Variants in FBXL20 observed in about 807,000 individuals in gnomAD.
FBXL20 encodes the protein F-box and leucine rich repeat protein 20.
A neutral mutation model predicts 64.0 loss-of-function variants in FBXL20; 11 were observed. That is an observed-to-expected ratio of 0.17 (90% CI 0.11 to 0.28). The LOEUF (loss-of-function observed/expected upper bound fraction) is 0.28, where lower values mean the gene tolerates loss of function less well. FBXL20 is among the 10% of genes least tolerant of loss of function. The pLI is 1.00. For missense variants in FBXL20, 303 were observed against 526.2 expected (o/e 0.58, Z 4.15); for synonymous variants, 184 against 189.0 (o/e 0.97, Z 0.22).
rs188867912 is a variant in FBXL20, at chr17:39,375,995, T to C, written c.42+25366A>G. ...TTAGCTGGGCATGGTGGCGGGCACC[T>C]GTAATCCTGGCTACTTGGGAGGCTG... is the stretch of plus-strand genomic sequence containing the variant. On this transcript the variant is annotated intron_variant, in intron 1 of 14. Transcript: ENST00000264658. Among the ~76,000 whole-genome samples, 499 of 152,248 alleles carry C rather than the reference T, an allele frequency of 3.3e-3. 3 individuals are homozygous for C. The highest frequency in any genetic ancestry group is 0.012 in the African/African-American group (479 of 41,550).
At chr17:39,339,100 G>A (rs938191815) in intron 2 of FBXL20, among the ~76,000 whole-genome samples, 15 of 147,116 alleles carry the variant, frequency 1.0e-4, no homozygotes, top group East Asian at 8.0e-4. Context: ...CCTGGGAGGC[G>A]GAGGTTACAG....
At chr17:39,367,763 A>G (rs1177311276) in intron 1 of FBXL20, among the ~76,000 whole-genome samples, 1 of 151,476 alleles carries the variant, frequency 6.6e-6, no homozygotes, top group African/African-American at 2.4e-5. Flanking sequence ...GATTATTTAT[A>G]TATATATATA....
At chr17:39,348,410 A>G (rs1438899799) in intron 1 of FBXL20, among the ~76,000 whole-genome samples, 2 of 152,042 alleles carry the variant, frequency 1.3e-5, no homozygotes, top group Non-Finnish European at 2.9e-5. Flanking sequence ...CAGTGAGCCG[A>G]GATCATGCTA....
intron 1 of FBXL20, among the ~76,000 whole-genome samples, chr17:39,351,864 G>A (rs2047690357): frequency 1.3e-5 from 2 of 152,094 alleles, no homozygotes; most frequent in African/African-American, 4.8e-5. Context: ...AAATATATTG[G>A]TTTTTAAAAA....
rs116115448 is a variant in FBXL20 at position 39,310,487 on chromosome 17, A to G, written c.105-6848T>C. ...AGTGCATTAAAGCCAGCACAGGGCAACAGATTTGAGCTGGACTCCTGTCTA... is the reference window on the plus strand; with the variant it reads ...AGTGCATTAAAGCCAGCACAGGGCAGCAGATTTGAGCTGGACTCCTGTCTA... On this transcript the variant is annotated intron_variant, in intron 2 of 14. Coordinates refer to ENST00000264658, the MANE Select transcript of FBXL20 (RefSeq NM_032875.3). Among the ~76,000 whole-genome samples, 630 of 152,282 alleles carry G rather than the reference A, an allele frequency of 4.1e-3. 5 individuals are homozygous for G. Among genetic ancestry groups the G allele is most frequent in the African/African-American group, 0.014 (584 of 41,566 alleles).
intron 1 of FBXL20, among the ~76,000 whole-genome samples, chr17:39,394,438 A>C (rs1360779926): frequency 1.3e-5 from 2 of 151,242 alleles, no homozygotes; most frequent in South Asian, 4.2e-4. Flanking sequence ...ACGCCAGGCT[A>C]ATTTTTTTTT....
At chr17:39,320,963 A>T (rs1052989241) in intron 2 of FBXL20, among the ~76,000 whole-genome samples, 2 of 152,110 alleles carry the variant, frequency 1.3e-5, no homozygotes, top group Admixed American at 6.6e-5. Flanking sequence ...TTTAATAAAA[A>T]TCTTTATTTC....
At chr17:39,375,652 C>T (rs1284555779) in intron 1 of FBXL20, among the ~76,000 whole-genome samples, 1 of 152,140 alleles carries the variant, frequency 6.6e-6, no homozygotes, top group African/African-American at 2.4e-5. Context: ...CCCACAAATA[C>T]ATAAATATTA....
intron 13 of FBXL20, among the ~76,000 whole-genome samples, chr17:39,265,041 C>T (rs2046778945): frequency 6.6e-6 from 1 of 152,158 alleles, no homozygotes. Flanking sequence ...TTCTTACGAC[C>T]AGTAACATTA....
chr17:39,280,856 C>G (rs953939782), intron 9 of FBXL20, among the ~76,000 whole-genome samples: 1 of 152,086 alleles, frequency 6.6e-6, no homozygotes, highest in Non-Finnish European at 1.5e-5. Context: ...CTCAAGCTCC[C>G]AAGCTCAACT....
intron 2 of FBXL20, among the ~76,000 whole-genome samples, chr17:39,317,701 G>GTTTTTTTTTTTTTT (rs1238194174): frequency 4.5e-4 from 20 of 44,298 alleles, no homozygotes; most frequent in South Asian, 1.2e-3. Flanking sequence ...TTTTTTTTTT[G>GTTTTTTTTTTTTTT]TTTTTTTTTT....
At chr17:39,303,448 T>A in intron 3 of FBXL20, 137 bp downstream of exon 3, 1 of 632,552 alleles carries the variant, frequency 1.6e-6, no homozygotes, top group Non-Finnish European at 2.6e-6. Context: ...GGTTTGGGTA[T>A]GTCATTGGTG....
intron 6 of FBXL20, among the ~76,000 whole-genome samples, chr17:39,295,494 A>G (rs1268046397): frequency 6.6e-6 from 1 of 152,122 alleles, no homozygotes; most frequent in Admixed American, 6.6e-5. Flanking sequence ...ACCTCAAGTT[A>G]TCCACCCACC....
Position 39,261,357 on chromosome 17 carries a change from A to G in FBXL20, c.*103T>C. 1.1e-6 allele frequency: 1 copy of G among 934,574 alleles called. No individual in the cohort carries two copies. The highest frequency in any genetic ancestry group is 1.8e-6 in the Non-Finnish European group (1 of 567,284). The allele number at this position is 934,574 out of a possible 1,614,324, so 57.9% of individuals were successfully genotyped here. A position where few individuals can be genotyped will look rare whatever the true frequency, so the allele number is the denominator to read the frequency against. On this transcript the variant is annotated 3_prime_UTR_variant, in exon 15 of 15. Coordinates refer to ENST00000264658, the MANE Select transcript of FBXL20 (RefSeq NM_032875.3). ...GGACACTGCCCTCCCTCACTTTGTA[A>G]CCCTTGCTCAGAACACTGGGGTTGC... is the stretch of plus-strand genomic sequence containing the variant.
At chr17:39,272,553 T>C (rs1231051637) in intron 10 of FBXL20, among the ~76,000 whole-genome samples, 1 of 150,936 alleles carries the variant, frequency 6.6e-6, no homozygotes, top group African/African-American at 2.4e-5. Context: ...ACCAAAAAAA[T>C]TGGCCAGGCA....
At chr17:39,303,114 G>A (rs1437175489) in intron 3 of FBXL20, among the ~76,000 whole-genome samples, 2 of 152,020 alleles carry the variant, frequency 1.3e-5, no homozygotes, top group Non-Finnish European at 2.9e-5. Context: ...AGATGTCTGT[G>A]TGCCTGCATC....
Position 39,331,562 on chromosome 17 carries a change from T to C in FBXL20, c.104+11618A>G, listed in dbSNP as rs139472929. On this transcript the variant is annotated intron_variant, in intron 2 of 14. Transcript: ENST00000264658. ...AGGCAAAACCTCTTTTCTAGCTCTA[T>C]ATTGATTATTTCCATGCCTGTTCTC... Among the ~76,000 whole-genome samples, 7 of 152,336 alleles carry C rather than the reference T, an allele frequency of 4.6e-5. No homozygotes were observed. In the East Asian group the frequency reaches 1.3e-3, roughly 29 times the overall value.
chr17:39,345,496 A>G (rs1286265225), intron 1 of FBXL20, among the ~76,000 whole-genome samples: 1 of 152,164 alleles, frequency 6.6e-6, no homozygotes, highest in Non-Finnish European at 1.5e-5. Flanking sequence ...ATGGTAGGGA[A>G]GTCACAGATA....
At chr17:39,397,132 C>T (rs531542710) in intron 1 of FBXL20, among the ~76,000 whole-genome samples, 79 of 152,160 alleles carry the variant, frequency 5.2e-4, no homozygotes, top group Middle Eastern at 3.4e-3. Flanking sequence ...TCTCGAACTC[C>T]CGAGCTCAGA....
Sources: allele counts gnomAD v4.1 joint callset (sites outside exome capture counted in the v4.1 genomes callset), GRCh38; gene constraint gnomAD v4.1.1; transcripts MANE v1.5; gene names NCBI Gene and HGNC (gene_info 2026-07-23, HGNC 2026-07-21).